ROBO2: variants seen among roughly 807,000 people sequenced by gnomAD.
ROBO2 encodes the protein roundabout guidance receptor 2.
ROBO2 carries 53 observed loss-of-function variants against 160.8 expected under a neutral mutation model. The observed-to-expected ratio is 0.33, with a 90% CI of 0.26 to 0.41. ROBO2 has a LOEUF of 0.41. Among genes scored for constraint, ROBO2 ranks in the 10% least tolerant of loss-of-function variants. The pLI, the probability that ROBO2 is intolerant of heterozygous loss-of-function variation, is 1.00. For synonymous variants in ROBO2, 664 were observed against 611.7 expected, an observed-to-expected ratio of 1.09 and a Z score of -1.26; for missense variants, 1,577 against 1,722.4, an observed-to-expected ratio of 0.92 and a Z score of 1.49.
intron 2 of ROBO2, among the ~76,000 whole-genome samples, chr3:76,185,215 T>TATATATATATATACATACAC: frequency 1.1e-5 from 1 of 90,312 alleles, no homozygotes; most frequent in Non-Finnish European, 2.3e-5. Context: ...TATATATATA[T>TATATATATATATACATACAC]ACACACACAA....
intron 1 of ROBO2, among the ~76,000 whole-genome samples, chr3:77,044,465 T>A (rs2064426312): frequency 6.6e-6 from 1 of 152,166 alleles, no homozygotes; most frequent in African/African-American, 2.4e-5. Context: ...TTCTCCTTTT[T>A]CTCCTTTTTT....
chr3:76,263,189 A>G (rs1056772098), intron 2 of ROBO2, among the ~76,000 whole-genome samples: 3 of 152,100 alleles, frequency 2.0e-5, no homozygotes, highest in Non-Finnish European at 4.4e-5. Context: ...AATTTCACAC[A>G]GTTGCAAAAA....
At chr3:76,936,306 A>G (rs2149083896) in intron 2 of ROBO2, among the ~76,000 whole-genome samples, 1 of 152,220 alleles carries the variant, frequency 6.6e-6, no homozygotes, top group East Asian at 1.9e-4. Context: ...TCTATATCAA[A>G]AAAGGTAATT....
chr3:76,819,662 C>T (rs2065953909), intron 2 of ROBO2, among the ~76,000 whole-genome samples: 2 of 152,000 alleles, frequency 1.3e-5, no homozygotes, highest in Admixed American at 1.3e-4. Context: ...TCTTTTTAAA[C>T]CTCTAGGCTA....
At chr3:76,226,787 T>C (rs968916783) in intron 2 of ROBO2, among the ~76,000 whole-genome samples, 2 of 152,174 alleles carry the variant, frequency 1.3e-5, no homozygotes, top group African/African-American at 4.8e-5. Flanking sequence ...AAAAGCAATC[T>C]GAGCTTAAAA....
At chr3:77,450,941 A>G (rs966026515) in intron 2 of ROBO2, among the ~76,000 whole-genome samples, 20 of 152,146 alleles carry the variant, frequency 1.3e-4, no homozygotes, top group African/African-American at 4.8e-4. Flanking sequence ...CATTGAAGGC[A>G]TATTTGAAAT....
chr3:76,999,830 T>C (rs919562055), intron 2 of ROBO2, among the ~76,000 whole-genome samples: 2 of 152,222 alleles, frequency 1.3e-5, no homozygotes, highest in Non-Finnish European at 2.9e-5. Context: ...CAATTTAGTA[T>C]AGAAACATAT....
intron 2 of ROBO2, among the ~76,000 whole-genome samples, chr3:76,722,730 T>C (rs1439422452): frequency 6.6e-6 from 1 of 152,230 alleles, no homozygotes; most frequent in Non-Finnish European, 1.5e-5. Flanking sequence ...CTTTTGTGAA[T>C]GGCTTCTTTC....
intron 2 of ROBO2, among the ~76,000 whole-genome samples, chr3:76,555,150 A>G (rs1229021171): frequency 6.6e-6 from 1 of 152,086 alleles, no homozygotes; most frequent in African/African-American, 2.4e-5. Context: ...TAATATAAAA[A>G]TCCCTAGTCT....
intron 2 of ROBO2, among the ~76,000 whole-genome samples, chr3:76,863,703 T>C (rs550634498): frequency 2.6e-5 from 4 of 152,164 alleles, no homozygotes; most frequent in South Asian, 2.1e-4. Context: ...TCTTAATAAA[T>C]GTTTACTGAA....
chr3:76,329,187 T>G (rs1237076480), intron 2 of ROBO2, among the ~76,000 whole-genome samples: 1 of 152,004 alleles, frequency 6.6e-6, no homozygotes, highest in Non-Finnish European at 1.5e-5. Context: ...GCGGCGCTAC[T>G]CCTGCCGCAG....
At chr3:77,420,046 C>A (rs1560783787) in intron 2 of ROBO2, among the ~76,000 whole-genome samples, 1 of 151,870 alleles carries the variant, frequency 6.6e-6, no homozygotes, top group East Asian at 1.9e-4. Flanking sequence ...ACCTGAGAAC[C>A]ATTGGTGTAG....
At chr3:76,840,548 T>C (rs2068131781) in intron 2 of ROBO2, among the ~76,000 whole-genome samples, 1 of 150,254 alleles carries the variant, frequency 6.7e-6, no homozygotes, top group Non-Finnish European at 1.5e-5. Context: ...AGGTGGAACT[T>C]GCAGTGAGCC....
chr3:75,980,861 A>T (rs1017939146), intron 2 of ROBO2, among the ~76,000 whole-genome samples: 1 of 151,336 alleles, frequency 6.6e-6, no homozygotes, highest in African/African-American at 2.4e-5. Context: ...AACATTATTA[A>T]TAAGATAGGG....
intron 2 of ROBO2, among the ~76,000 whole-genome samples, chr3:76,840,949 G>A (rs1256737362): frequency 6.6e-6 from 1 of 151,958 alleles, no homozygotes; most frequent in East Asian, 1.9e-4. Flanking sequence ...GGGAACATCT[G>A]ATGGTCCAAC....
chr3:76,772,413 T>C (rs563007498), intron 2 of ROBO2, among the ~76,000 whole-genome samples: 1 of 149,144 alleles, frequency 6.7e-6, no homozygotes, highest in South Asian at 2.1e-4. Flanking sequence ...TGTATTTATA[T>C]GCACACACAC....
intron 2 of ROBO2, among the ~76,000 whole-genome samples, chr3:76,721,761 G>C (rs2107724112): frequency 6.6e-6 from 1 of 152,308 alleles, no homozygotes; most frequent in South Asian, 2.1e-4. Flanking sequence ...AGGCTGAATA[G>C]AGAAACAGGC....
chr3:77,142,648 A>G (rs1444953384), intron 2 of ROBO2, among the ~76,000 whole-genome samples: 1 of 152,080 alleles, frequency 6.6e-6, no homozygotes, highest in Non-Finnish European at 1.5e-5. Context: ...CCCTACCAGG[A>G]TTAATCATGG....
intron 2 of ROBO2, among the ~76,000 whole-genome samples, chr3:75,972,661 T>C (rs148981927): frequency 1.1e-4 from 17 of 151,710 alleles, no homozygotes; most frequent in African/African-American, 3.1e-4. Flanking sequence ...TCTCAAAGAG[T>C]GGTCTTTGAA....
Sources: gnomAD v4.1 joint callset for allele counts (sites outside exome capture counted in the v4.1 genomes callset) on GRCh38, gnomAD v4.1.1 for gene constraint, MANE v1.5 for transcripts, NCBI Gene and HGNC (gene_info 2026-07-23, HGNC 2026-07-21) for gene names.